CCDC192: variants seen among roughly 807,000 people sequenced by gnomAD.
The protein encoded by CCDC192 is coiled-coil domain-containing protein 192.
chr5:127,861,257 C>T (rs1253934004), intron 5 of CCDC192, among the ~76,000 whole-genome samples: 1 of 151,754 alleles, frequency 6.6e-6, no homozygotes, highest in Non-Finnish European at 1.5e-5. Flanking sequence ...ATCCGCCTGC[C>T]TCGGCCTCCC....
intron 6 of CCDC192, among the ~76,000 whole-genome samples, chr5:127,896,146 A>G (rs2127161217): frequency 6.6e-6 from 1 of 152,246 alleles, no homozygotes; most frequent in East Asian, 1.9e-4. Flanking sequence ...TCAGACTAAT[A>G]CGTCACTTTC....
In CCDC192 at chr5:127,893,125, G is replaced by A. The variant is rs556072739; in HGVS notation, c.535+17464G>A. On this transcript the variant is annotated intron_variant, in intron 6 of 6. Transcript: ENST00000514853. ...TCAAGCAGACCTTAGCGATAATCTT[G>A]TCCACTCCCATGTTTTACAGATGAG... Among the ~76,000 whole-genome samples the A allele has an allele frequency of 2.6e-5, 4 of 152,206 alleles. No homozygotes were observed. In the South Asian group the frequency reaches 6.2e-4, roughly 24 times the overall value.
chr5:127,727,089 T>G (rs1005840223), intron 2 of CCDC192, among the ~76,000 whole-genome samples: 4 of 152,084 alleles, frequency 2.6e-5, no homozygotes, highest in African/African-American at 4.8e-5. Context: ...TGGTGACACC[T>G]CCAAGTGTGG....
At chr5:127,916,925 C>T (rs973169863) in intron 6 of CCDC192, among the ~76,000 whole-genome samples, 1 of 152,210 alleles carries the variant, frequency 6.6e-6, no homozygotes, top group Non-Finnish European at 1.5e-5. Context: ...TGAAGCCAGG[C>T]ATTGATTCTC....
intron 6 of CCDC192, among the ~76,000 whole-genome samples, chr5:127,895,011 G>T (rs1580804357): frequency 6.6e-6 from 1 of 152,158 alleles, no homozygotes; most frequent in East Asian, 1.9e-4. Context: ...TTTATTTTGA[G>T]TTCAGGGGTA....
chr5:127,781,692 C>T (rs193183737), intron 3 of CCDC192, among the ~76,000 whole-genome samples: 91 of 151,410 alleles, frequency 6.0e-4, no homozygotes, highest in African/African-American at 2.1e-3. Context: ...AATTTTGTAT[C>T]CAGGAGCTTT....
intron 2 of CCDC192, among the ~76,000 whole-genome samples, chr5:127,723,860 A>G (rs1477187715): frequency 2.6e-5 from 4 of 152,212 alleles, no homozygotes; most frequent in African/African-American, 9.6e-5. Context: ...GCTGCTGGAA[A>G]TAATAGCCCC....
intron 2 of CCDC192, among the ~76,000 whole-genome samples, chr5:127,724,793 G>A (rs1009487954): frequency 2.7e-5 from 4 of 148,636 alleles, no homozygotes; most frequent in African/African-American, 7.4e-5. Flanking sequence ...AGGTTGCAGT[G>A]AGCCGAGATA....
chr5:127,860,844 TC>T (rs1751327775), intron 5 of CCDC192, among the ~76,000 whole-genome samples: 1 of 152,110 alleles, frequency 6.6e-6, no homozygotes, highest in Non-Finnish European at 1.5e-5. Flanking sequence ...TAAGACTTTT[TC>T]CCCCATAATA....
intron 6 of CCDC192, among the ~76,000 whole-genome samples, chr5:127,896,148 G>A (rs192630708): frequency 3.3e-5 from 5 of 152,060 alleles, no homozygotes; most frequent in Admixed American, 6.5e-5. Flanking sequence ...AGACTAATAC[G>A]TCACTTTCAG....
chr5:127,726,658 A>T (rs984528549), intron 2 of CCDC192, among the ~76,000 whole-genome samples: 1 of 152,202 alleles, frequency 6.6e-6, no homozygotes, highest in African/African-American at 2.4e-5. Context: ...GATCATGACC[A>T]GATTGCCTCT....
intron 5 of CCDC192, among the ~76,000 whole-genome samples, chr5:127,856,109 T>C (rs1751079423): frequency 6.6e-6 from 1 of 152,226 alleles, no homozygotes; most frequent in Admixed American, 6.5e-5. Flanking sequence ...TTCTTCCAGT[T>C]GAAGGCTGTG....
chr5:127,747,206 C>G (rs1561462763), intron 2 of CCDC192, among the ~76,000 whole-genome samples: 1 of 151,942 alleles, frequency 6.6e-6, no homozygotes, highest in Admixed American at 6.6e-5. Flanking sequence ...GCTGCACCCA[C>G]TAACTCGTCA....
rs1751556351 is a variant in CCDC192, at chr5:127,715,104, G to A, written c.114+7344G>A. 2.0e-5 allele frequency among the ~76,000 whole-genome samples: 3 copies of A among 151,726 alleles called. No homozygotes were observed. In the South Asian group the frequency reaches 6.2e-4, roughly 32 times the overall value. The stretch of plus-strand genomic sequence containing the variant: ...CTTCACTATATTGATTACTTCCTTT[G>A]CAATACAGAAGCTTTTCAAATTGAT... On this transcript the variant is annotated intron_variant, in intron 2 of 6. Coordinates refer to ENST00000514853, the MANE Select transcript of CCDC192 (RefSeq NM_001317938.2).
chr5:127,930,257 A>C (rs551537040), intron 6 of CCDC192, among the ~76,000 whole-genome samples: 1 of 150,828 alleles, frequency 6.6e-6, no homozygotes, highest in Non-Finnish European at 1.5e-5. Context: ...CTAAACTAAA[A>C]TAAAAAGATG....
At chr5:127,742,852 T>C (rs1753501012) in intron 2 of CCDC192, among the ~76,000 whole-genome samples, 1 of 152,230 alleles carries the variant, frequency 6.6e-6, no homozygotes, top group Non-Finnish European at 1.5e-5. Flanking sequence ...TTTAAAAGTT[T>C]GCCTTGTCCT....
In CCDC192 at chr5:127,736,496, A is replaced by G. The variant is rs6888415; in HGVS notation, c.115-17772A>G. Among the ~76,000 whole-genome samples the G allele has an allele frequency of 9.1e-4, 139 of 152,030 alleles. 3 individuals carry two copies. The highest frequency in any genetic ancestry group is 3.4e-3 in the African/African-American group (139 of 41,312). On this transcript the variant is annotated intron_variant, in intron 2 of 6. Coordinates refer to ENST00000514853, the MANE Select transcript of CCDC192 (RefSeq NM_001317938.2). Reference sequence around the variant, plus strand: ...TTTCTATTGATTGGAATAGTTTCAGAAGGAATGGTACCAGTTCCTCCTTTT... The same window carrying G: ...TTTCTATTGATTGGAATAGTTTCAGGAGGAATGGTACCAGTTCCTCCTTTT...
At chr5:127,852,164 T>C (rs1952640606) in intron 5 of CCDC192, among the ~76,000 whole-genome samples, 1 of 152,212 alleles carries the variant, frequency 6.6e-6, no homozygotes, top group Non-Finnish European at 1.5e-5. Flanking sequence ...CCTCCTCTCC[T>C]TGACTTCCCC....
At chr5:127,937,485 T>C (rs1468588613) in intron 6 of CCDC192, among the ~76,000 whole-genome samples, 2 of 152,210 alleles carry the variant, frequency 1.3e-5, no homozygotes, top group East Asian at 3.8e-4. Flanking sequence ...GGTCTCTCTC[T>C]TTCTGCCATG....
Sources: gnomAD v4.1 joint callset for allele counts (sites outside exome capture counted in the v4.1 genomes callset) on GRCh38, gnomAD v4.1.1 for gene constraint, MANE v1.5 for transcripts, NCBI Gene and HGNC (gene_info 2026-07-23, HGNC 2026-07-21) for gene names.